The following ATXN2 variants were observed in gnomAD, a reference collection of about 807,000 sequenced individuals.
ATXN2 encodes the protein ataxin 2, also known as ataxin-2.
Under a neutral mutation model 138.6 loss-of-function variants are expected in ATXN2, and 37 were observed. The observed-to-expected ratio is 0.27, with a 90% CI of 0.21 to 0.35. ATXN2 has a LOEUF of 0.35. Among genes scored for constraint, ATXN2 ranks in the 10% least tolerant of loss-of-function variants. ATXN2 has a pLI of 1.00. For missense variants in ATXN2, 1,216 were observed against 1,480.3 expected, an observed-to-expected ratio of 0.82 and a Z score of 2.93; for synonymous variants, 549 against 543.7, an observed-to-expected ratio of 1.01 and a Z score of -0.13.
intron 18 of ATXN2, among the ~76,000 whole-genome samples, chr12:111,482,072 C>T (rs1877276556): frequency 6.6e-6 from 1 of 152,066 alleles, no homozygotes; most frequent in African/African-American, 2.4e-5. Flanking sequence ...TATATTCAGG[C>T]CAGGAGCAGT....
At chr12:111,568,650 T>C (rs1883148185) in intron 1 of ATXN2, among the ~76,000 whole-genome samples, 1 of 152,184 alleles carries the variant, frequency 6.6e-6, no homozygotes, top group African/African-American at 2.4e-5. Context: ...AGTTACCAAC[T>C]TAAATGTCAC....
At chr12:111,469,226 A>T (rs1459517507) in intron 20 of ATXN2, 1 of 152,248 alleles carries the variant, frequency 6.6e-6, no homozygotes, top group Non-Finnish European at 1.5e-5. Context: ...CCAAAAACGC[A>T]AATAGGAAAA....
rs765735723 is a variant in ATXN2, at chr12:111,509,941, T to C, written c.1814A>G (p.Asn605Ser). 257 of 1,613,244 alleles carry C rather than the reference T, an allele frequency of 1.6e-4. No homozygotes were observed. The highest frequency in any genetic ancestry group is 9.9e-4 in the Middle Eastern group (6 of 6,078). The change falls in exon 13 of 25, where the codon AAT (asparagine) becomes AGT (serine). Residue 605 changes from asparagine (N) to serine (S), a missense_variant. Around this residue, in one of 4 missense-constraint regions of ATXN2, gnomAD observed 215 missense variants for 210.0 expected, o/e 1.02. Transcript: ENST00000673436. The part of the protein sequence containing the change: ...RQNSPAGNKE[N>S]IKPNETSPSF... ...AGGTGATGTTTCATTGGGTTTAATA[T>C]TTTCTTTATTCCCTGCAGGAGAGTT...
At chr12:111,567,955 A>G (rs1883106599) in intron 1 of ATXN2, among the ~76,000 whole-genome samples, 1 of 152,264 alleles carries the variant, frequency 6.6e-6, no homozygotes, top group Admixed American at 6.5e-5. Flanking sequence ...ATTACCTTCC[A>G]TTATTGTTTC....
In ATXN2 at chr12:111,457,377, G is replaced by T. The variant is rs2135650693; in HGVS notation, c.2897-18C>A. ...CGTGGAAACTAAAGTGAAAGAAAAA[G>T]GAGCATGTACACAACCGATGTCTGA... On this transcript the variant is annotated intron_variant, in intron 21 of 24. Coordinates refer to ENST00000673436, the MANE Select transcript of ATXN2 (RefSeq NM_001372574.1). 3 of 1,600,728 alleles carry T rather than the reference G, an allele frequency of 1.9e-6. No homozygotes were observed. Among genetic ancestry groups the T allele is most frequent in the Middle Eastern group, 3.3e-4 (2 of 5,990 alleles).
At chr12:111,515,667 C>A (rs569257316) in intron 10 of ATXN2, among the ~76,000 whole-genome samples, 1 of 152,302 alleles carries the variant, frequency 6.6e-6, no homozygotes, top group South Asian at 2.1e-4. Context: ...AAATCAACTA[C>A]TTTAATCTAA....
At chr12:111,483,200 C>T (rs893290296) in intron 18 of ATXN2, among the ~76,000 whole-genome samples, 1 of 139,756 alleles carries the variant, frequency 7.2e-6, no homozygotes, top group Non-Finnish European at 1.6e-5. Flanking sequence ...CACATACACA[C>T]ACACACACAC....
Position 111,538,549 on chromosome 12 carries a change from C to T in ATXN2, c.572-13233G>A, listed in dbSNP as rs747867430. Among the ~76,000 whole-genome samples, 4 of 133,684 alleles carry T rather than the reference C, an allele frequency of 3.0e-5. 1 individual carries two copies. Among genetic ancestry groups the T allele is most frequent in the Non-Finnish European group, 7.1e-5 (4 of 56,132 alleles). 87.7% of individuals were successfully genotyped at this position (133,684 alleles called of 152,430 possible). On this transcript the variant is annotated intron_variant, in intron 5 of 24. Coordinates refer to ENST00000673436, the MANE Select transcript of ATXN2 (RefSeq NM_001372574.1). ...TATTTTTTTTGTAGAAACGGGGTTC[C>T]ACCATATTGCCCAGGCTGGTCTTGA... is the stretch of plus-strand genomic sequence containing the variant.
chr12:111,555,656 GTATATC>G (rs1882349610), intron 2 of ATXN2, among the ~76,000 whole-genome samples: 1 of 151,890 alleles, frequency 6.6e-6, no homozygotes, highest in African/African-American at 2.4e-5. Context: ...CCAGTCTTAG[GTATATC>G]TTTATTAGCA....
chr12:111,470,029 C>G (rs1876293868), intron 20 of ATXN2, 79 bp downstream of exon 20: 12 of 1,454,632 alleles, frequency 8.2e-6, no homozygotes, highest in Non-Finnish European at 9.3e-6. Context: ...TCAGGTTATT[C>G]TTAGATAGAG....
intron 18 of ATXN2, among the ~76,000 whole-genome samples, chr12:111,484,341 C>T (rs1232116583): frequency 6.7e-6 from 1 of 150,144 alleles, no homozygotes; most frequent in African/African-American, 2.5e-5. Flanking sequence ...TGCTCTCGAA[C>T]TCATGGGTTC....
At chr12:111,495,452 T>TTA (rs1195201522) in intron 14 of ATXN2, among the ~76,000 whole-genome samples, 1 of 152,064 alleles carries the variant, frequency 6.6e-6, no homozygotes, top group East Asian at 1.9e-4. Context: ...GTAGCTATGC[T>TTA]TAGATAAAAT....
At chr12:111,502,802 C>T (rs1302726304) in intron 14 of ATXN2, among the ~76,000 whole-genome samples, 1 of 152,178 alleles carries the variant, frequency 6.6e-6, no homozygotes. Context: ...CTGTACAATA[C>T]TGGGTCATCT....
intron 5 of ATXN2, among the ~76,000 whole-genome samples, chr12:111,526,734 C>G (rs1412972134): frequency 6.6e-6 from 1 of 152,168 alleles, no homozygotes; most frequent in African/African-American, 2.4e-5. Context: ...AATGGATGCA[C>G]TAATTAGATA....
chr12:111,473,865 T>C (rs1876597234), intron 18 of ATXN2, among the ~76,000 whole-genome samples: 1 of 151,678 alleles, frequency 6.6e-6, no homozygotes, highest in Non-Finnish European at 1.5e-5. Context: ...AACACAGGGA[T>C]ACAGTCAGCA....
intron 1 of ATXN2, among the ~76,000 whole-genome samples, chr12:111,585,057 A>G (rs1884249031): frequency 6.6e-6 from 1 of 152,168 alleles, no homozygotes; most frequent in Admixed American, 6.6e-5. Flanking sequence ...ACAATCTACT[A>G]AGGGGTCATG....
At chr12:111,590,813 G>A (rs1884617453) in intron 1 of ATXN2, among the ~76,000 whole-genome samples, 1 of 152,170 alleles carries the variant, frequency 6.6e-6, no homozygotes, top group South Asian at 2.1e-4. Context: ...AAACCCTACT[G>A]GGAACTGCAT....
chr12:111,550,152 T>C (rs970946376), intron 5 of ATXN2, among the ~76,000 whole-genome samples: 2 of 152,132 alleles, frequency 1.3e-5, no homozygotes, highest in East Asian at 3.8e-4. Context: ...AAACTAATTT[T>C]GTAATATATA....
At chr12:111,470,825 A>G in intron 18 of ATXN2, 83 bp from the exon 19 acceptor site, 1 of 1,440,380 alleles carries the variant, frequency 6.9e-7, no homozygotes, top group Non-Finnish European at 9.5e-7. Flanking sequence ...GAGGCTCTGA[A>G]TGATTTGACC....
Sources: allele counts gnomAD v4.1 joint callset (sites outside exome capture counted in the v4.1 genomes callset), GRCh38; gene constraint gnomAD v4.1.1; regional missense constraint gnomAD v4.1.1; transcripts MANE v1.5; gene names NCBI Gene and HGNC (gene_info 2026-07-23, HGNC 2026-07-21).